The following NALF1 variants were observed in gnomAD, a reference collection of about 807,000 sequenced individuals.
NALF1 encodes family with sequence similarity 155 member A.
In NALF1, 3 loss-of-function variants were observed where a neutral mutation model predicts 48.4. That is an observed-to-expected ratio of 0.06 (90% CI 0.03 to 0.16). The LOEUF (loss-of-function observed/expected upper bound fraction) is 0.16, where lower values mean the gene tolerates loss of function less well. Ranked by LOEUF, NALF1 falls within the 10% of genes least tolerant of loss-of-function variation. NALF1 has a pLI of 1.00. For missense variants in NALF1, 526 were observed against 571.5 expected, an observed-to-expected ratio of 0.92 and a Z score of 0.81; for synonymous variants, 262 against 245.7, an observed-to-expected ratio of 1.07 and a Z score of -0.62.
rs753228523 is a variant in NALF1, at chr13:107,362,188, G to C, written c.916-151433C>G. On this transcript the variant is annotated intron_variant, in intron 1 of 2. Transcript: ENST00000375915. The surrounding 1 kb of genome is among the most constrained non-coding windows in gnomAD (Gnocchi z 4.6). ...ATTGACTGATTCTCCAAATGACAAG[G>C]TTACCTGATGGTGGGGAAAAACGGG... Among the ~76,000 whole-genome samples the C allele has an allele frequency of 6.6e-6, 1 of 152,148 alleles. No homozygotes were observed. Among genetic ancestry groups the C allele is most frequent in the Admixed American group, 6.6e-5 (1 of 15,266 alleles).
At chr13:107,816,432 G>A (rs939231969) in intron 1 of NALF1, among the ~76,000 whole-genome samples, 1 of 152,140 alleles carries the variant, frequency 6.6e-6, no homozygotes, top group African/African-American at 2.4e-5. Flanking sequence ...GAATGAGAGA[G>A]AATGAGGAAA....
chr13:107,225,485 C>T (rs1880083089), intron 1 of NALF1, among the ~76,000 whole-genome samples: 1 of 152,068 alleles, frequency 6.6e-6, no homozygotes, highest in Admixed American at 6.6e-5. Flanking sequence ...CTGTGTTGCC[C>T]AGGGTGGTCT....
At chr13:107,266,273 T>G (rs914325606) in intron 1 of NALF1, among the ~76,000 whole-genome samples, 2 of 152,218 alleles carry the variant, frequency 1.3e-5, no homozygotes, top group African/African-American at 4.8e-5. Context: ...TTTTGTGGGT[T>G]TGTTTACATA....
intron 1 of NALF1, among the ~76,000 whole-genome samples, chr13:107,681,428 G>C (rs1214521754): frequency 6.6e-6 from 1 of 152,046 alleles, no homozygotes; most frequent in Non-Finnish European, 1.5e-5. Context: ...ACCCCCTGTC[G>C]CTCCCTAATT....
chr13:107,674,735 A>G (rs1566439102), intron 1 of NALF1, among the ~76,000 whole-genome samples: 1 of 152,208 alleles, frequency 6.6e-6, no homozygotes, highest in Non-Finnish European at 1.5e-5. Flanking sequence ...CTTTAAATAT[A>G]TGCAAGACCA....
intron 1 of NALF1, among the ~76,000 whole-genome samples, chr13:107,683,333 C>T (rs1443832522): frequency 1.3e-5 from 2 of 152,124 alleles, no homozygotes; most frequent in Non-Finnish European, 2.9e-5. Flanking sequence ...GTTTTCCTAC[C>T]ACCTTTAAAA....
intron 1 of NALF1, among the ~76,000 whole-genome samples, chr13:107,695,018 C>T (rs1255678082): frequency 1.3e-5 from 2 of 152,070 alleles, no homozygotes; most frequent in African/African-American, 2.4e-5. Flanking sequence ...GTCTCAAACT[C>T]CTGGCTTCAA....
intron 1 of NALF1, among the ~76,000 whole-genome samples, chr13:107,225,395 G>C (rs1880081663): frequency 6.6e-6 from 1 of 152,090 alleles, no homozygotes; most frequent in African/African-American, 2.4e-5. Flanking sequence ...TTCTGCCTCA[G>C]CCTCCTGAGT....
At chr13:107,183,547 T>C (rs1027055778) in intron 2 of NALF1, among the ~76,000 whole-genome samples, 1 of 152,192 alleles carries the variant, frequency 6.6e-6, no homozygotes, top group South Asian at 2.1e-4. Context: ...TGCACATGTA[T>C]GTTTATTGCG....
intron 1 of NALF1, among the ~76,000 whole-genome samples, chr13:107,580,201 A>G (rs2138409771): frequency 6.6e-6 from 1 of 152,306 alleles, no homozygotes; most frequent in East Asian, 1.9e-4. Context: ...ACAAGAACAA[A>G]AAACCAAACA....
At chr13:107,541,958 G>C (rs1005346131) in intron 1 of NALF1, among the ~76,000 whole-genome samples, 2 of 151,880 alleles carry the variant, frequency 1.3e-5, no homozygotes, top group African/African-American at 4.8e-5. Context: ...AAGCACTGTG[G>C]AGCTGACCAC....
Position 107,362,004 on chromosome 13 carries a change from T to C in NALF1, c.916-151249A>G, listed in dbSNP as rs1883069621. 6.6e-6 allele frequency among the ~76,000 whole-genome samples: 1 copy of C among 152,168 alleles called. No homozygotes were observed. The highest frequency in any genetic ancestry group is 1.5e-5 in the Non-Finnish European group (1 of 68,030). On this transcript the variant is annotated intron_variant, in intron 1 of 2. Coordinates refer to ENST00000375915, the MANE Select transcript of NALF1 (RefSeq NM_001080396.3). The surrounding 1 kb of genome is among the most constrained non-coding windows in gnomAD (Gnocchi z 4.6). ...GATGAATCCTTGTTCTGAGATGTTCTGGGATGGCACCATCATAAACTGGGT... is the reference window on the plus strand; with the variant it reads ...GATGAATCCTTGTTCTGAGATGTTCCGGGATGGCACCATCATAAACTGGGT...
chr13:107,432,102 G>A lies in NALF1; in HGVS notation c.916-221347C>T, dbSNP rs72650595. 3.2e-3 allele frequency among the ~76,000 whole-genome samples: 481 copies of A among 152,238 alleles called. 4 individuals are homozygous for A. Among genetic ancestry groups the A allele is most frequent in the Non-Finnish European group, 5.6e-3 (379 of 68,016 alleles). On this transcript the variant is annotated intron_variant, in intron 1 of 2. Transcript: ENST00000375915. The stretch of plus-strand genomic sequence containing the variant: ...AATGTGGAGGTGTCATCTGCTTCTG[G>A]GGAGGCCTCAGGAAGCTTTCAAACA...
intron 2 of NALF1, among the ~76,000 whole-genome samples, chr13:107,194,141 T>C (rs936257503): frequency 6.6e-6 from 1 of 152,162 alleles, no homozygotes; most frequent in African/African-American, 2.4e-5. Flanking sequence ...ATGGAGTCTG[T>C]TTTTGTTTAA....
At chr13:107,712,859 CTT>C (rs972164077) in intron 1 of NALF1, among the ~76,000 whole-genome samples, 8 of 152,234 alleles carry the variant, frequency 5.3e-5, no homozygotes, top group African/African-American at 1.9e-4. Flanking sequence ...AAGACTTTCT[CTT>C]GTGTATTATC....
chr13:107,313,629 A>G (rs118128086), intron 1 of NALF1, among the ~76,000 whole-genome samples: 16 of 152,286 alleles, frequency 1.1e-4, no homozygotes, highest in Non-Finnish European at 1.8e-4. Flanking sequence ...CTCACCTGAG[A>G]CAAATGCATA....
At chr13:107,380,786 G>C (rs1000513843) in intron 1 of NALF1, among the ~76,000 whole-genome samples, 1 of 151,842 alleles carries the variant, frequency 6.6e-6, no homozygotes, top group Non-Finnish European at 1.5e-5. Context: ...AGACCATCCT[G>C]GCTAACACGG....
At chr13:107,726,607 T>C (rs911116705) in intron 1 of NALF1, among the ~76,000 whole-genome samples, 4 of 113,306 alleles carry the variant, frequency 3.5e-5, no homozygotes, top group Non-Finnish European at 6.8e-5. Context: ...TAAAGGCAAA[T>C]TCTTTTTTTT....
At chr13:107,655,029 C>T (rs563582918) in intron 1 of NALF1, among the ~76,000 whole-genome samples, 1 of 152,178 alleles carries the variant, frequency 6.6e-6, no homozygotes, top group East Asian at 1.9e-4. Flanking sequence ...ACGACAAACC[C>T]ACAGCCAACA....
Sources: allele counts gnomAD v4.1 joint callset (sites outside exome capture counted in the v4.1 genomes callset), GRCh38; gene constraint gnomAD v4.1.1; non-coding constraint Gnocchi (gnomAD v3.1); transcripts MANE v1.5; gene names NCBI Gene and HGNC (gene_info 2026-07-23, HGNC 2026-07-21).